Variants in PVT1 observed in about 807,000 individuals in gnomAD.
The protein encoded by PVT1 is Pvt1 oncogene.
chr8:127,800,005 G>A (rs60706745), intron 2 of PVT1, among the ~76,000 whole-genome samples: 2,439 of 152,248 alleles, frequency 0.016, 54 homozygotes, highest in East Asian at 0.1. Context: ...GCTGTCCCTC[G>A]GATGTCAGAC....
At chr8:127,996,721 C>G (rs1369799370) in intron 4 of PVT1, 4 of 152,244 alleles carry the variant, frequency 2.6e-5, no homozygotes, top group Non-Finnish European at 4.4e-5. Flanking sequence ...AGTCTTCAGC[C>G]GCCGCCCCCT....
At chr8:127,901,123 C>T (rs946959792) in intron 3 of PVT1, among the ~76,000 whole-genome samples, 3 of 152,154 alleles carry the variant, frequency 2.0e-5, no homozygotes, top group African/African-American at 4.8e-5. Flanking sequence ...AAGCCAACAG[C>T]GTTGTCTGGG....
chr8:127,902,886 G>A (rs139971848), intron 3 of PVT1, among the ~76,000 whole-genome samples: 1 of 152,282 alleles, frequency 6.6e-6, no homozygotes, highest in East Asian at 1.9e-4. Context: ...GAATAGTGCT[G>A]CCATGAACAC....
chr8:127,803,840 C>A (rs1305650656), intron 2 of PVT1, among the ~76,000 whole-genome samples: 1 of 151,948 alleles, frequency 6.6e-6, no homozygotes, highest in Non-Finnish European at 1.5e-5. Flanking sequence ...CCTGCCTCAG[C>A]CTTCCGAGTA....
At chr8:127,916,207 G>A (rs900065970) in intron 3 of PVT1, among the ~76,000 whole-genome samples, 2 of 152,170 alleles carry the variant, frequency 1.3e-5, no homozygotes, top group African/African-American at 4.8e-5. Context: ...GTTTTGTGAG[G>A]ATTAAACACA....
intron 2 of PVT1, among the ~76,000 whole-genome samples, chr8:127,836,277 A>G (rs1429677722): frequency 6.6e-6 from 1 of 152,184 alleles, no homozygotes; most frequent in Non-Finnish European, 1.5e-5. Flanking sequence ...GGTGGTTCAT[A>G]CATATTCTTT....
At chr8:127,972,769 G>A (rs1816778868) in intron 3 of PVT1, among the ~76,000 whole-genome samples, 1 of 152,038 alleles carries the variant, frequency 6.6e-6, no homozygotes, top group African/African-American at 2.4e-5. Context: ...AATAGAAATA[G>A]CTTTGCCAGG....
intron 4 of PVT1, among the ~76,000 whole-genome samples, chr8:128,054,189 C>G (rs1341267904): frequency 6.6e-6 from 1 of 152,154 alleles, no homozygotes; most frequent in Non-Finnish European, 1.5e-5. Flanking sequence ...AGAGAAGAGC[C>G]TGAGTTTTGG....
At chr8:127,831,053 T>TGA (rs1406025962) in intron 2 of PVT1, among the ~76,000 whole-genome samples, 1 of 100,802 alleles carries the variant, frequency 9.9e-6, no homozygotes, top group Non-Finnish European at 2.3e-5. Context: ...CGTGTGTGTG[T>TGA]GTGTGTGTGT....
intron 2 of PVT1, among the ~76,000 whole-genome samples, chr8:127,862,105 T>TA (rs1009949966): frequency 6.6e-6 from 1 of 152,138 alleles, no homozygotes; most frequent in South Asian, 2.1e-4. Context: ...CAAACTCTTT[T>TA]AAAAAAATTT....
At chr8:128,069,080 G>A (rs1288766487) in intron 4 of PVT1, among the ~76,000 whole-genome samples, 1 of 152,178 alleles carries the variant, frequency 6.6e-6, no homozygotes, top group Admixed American at 6.5e-5. Flanking sequence ...CATCTGAAGG[G>A]TCATCATGGA....
chr8:127,938,923 A>C (rs1816310894), intron 3 of PVT1, among the ~76,000 whole-genome samples: 1 of 152,232 alleles, frequency 6.6e-6, no homozygotes, highest in South Asian at 2.1e-4. Context: ...ACAGGCGGGC[A>C]TCATGCCCAT....
chr8:128,038,000 A>G (rs1437057946), intron 4 of PVT1, among the ~76,000 whole-genome samples: 1 of 152,214 alleles, frequency 6.6e-6, no homozygotes, highest in Non-Finnish European at 1.5e-5. Context: ...CTTATCTAAA[A>G]ATATCTGCCA....
At chr8:127,923,698 C>A (rs1031915747) in intron 3 of PVT1, among the ~76,000 whole-genome samples, 1 of 152,130 alleles carries the variant, frequency 6.6e-6, no homozygotes, top group African/African-American at 2.4e-5. Flanking sequence ...TCTTGTTCCA[C>A]GGGAGCTGGG....
intron 2 of PVT1, among the ~76,000 whole-genome samples, chr8:127,840,258 A>C (rs1158952880): frequency 6.6e-6 from 1 of 152,328 alleles, no homozygotes; most frequent in African/African-American, 2.4e-5. Context: ...AGGTGTGAAC[A>C]GTCACCCCTT....
chr8:128,068,024 C>T (rs980169448), intron 4 of PVT1, among the ~76,000 whole-genome samples: 1 of 150,026 alleles, frequency 6.7e-6, no homozygotes, highest in Non-Finnish European at 1.5e-5. Context: ...TTAAAGAATG[C>T]CCAAATCCCA....
intron 3 of PVT1, among the ~76,000 whole-genome samples, chr8:127,930,242 C>G (rs1015948382): frequency 1.3e-5 from 2 of 152,172 alleles, no homozygotes; most frequent in African/African-American, 4.8e-5. Context: ...CTACAACCCT[C>G]AACTCCTGAG....
intron 3 of PVT1, among the ~76,000 whole-genome samples, chr8:127,903,819 T>C (rs1815788304): frequency 6.6e-6 from 1 of 152,232 alleles, no homozygotes; most frequent in Non-Finnish European, 1.5e-5. Context: ...GCTGTTTGGG[T>C]TACTGTAGCC....
At chr8:128,073,378 C>T (rs1284276084) in intron 5 of PVT1, among the ~76,000 whole-genome samples, 2 of 152,080 alleles carry the variant, frequency 1.3e-5, no homozygotes, top group African/African-American at 4.8e-5. Context: ...TCCCTTCATT[C>T]CTCCCTCCCT....
Sources: allele counts gnomAD v4.1 joint callset (sites outside exome capture counted in the v4.1 genomes callset), GRCh38; gene constraint gnomAD v4.1.1; transcripts MANE v1.5; gene names NCBI Gene and HGNC (gene_info 2026-07-23, HGNC 2026-07-21).